USP6NL: variants seen among roughly 807,000 people sequenced by gnomAD.
The protein encoded by USP6NL is USP6 N-terminal like.
A neutral mutation model predicts 61.9 loss-of-function variants in USP6NL; 26 were observed. The ratio of observed to expected loss-of-function variants is 0.42; its 90% CI spans 0.31 to 0.58. The LOEUF is 0.58. Among genes scored for constraint, USP6NL ranks in the 20% least tolerant of loss-of-function variants. The probability of loss-of-function intolerance (pLI) is 0.16; values close to 1 mark genes in which losing one functional copy is unlikely to be tolerated. For synonymous variants in USP6NL, 432 were observed against 390.1 expected, an observed-to-expected ratio of 1.11 and a Z score of -1.27; for missense variants, 1,114 against 1,034.3, an observed-to-expected ratio of 1.08 and a Z score of -1.06.
In USP6NL at chr10:11,481,833, T is replaced by C. The variant is rs758458936; in HGVS notation, c.1015A>G (p.Ile339Val). The change falls in exon 14 of 15, where the codon ATA becomes GTA. Residue 339 changes from isoleucine to valine, a missense_variant. Physicochemically the swap from Ile to Val is conservative, Grantham distance 29. Transcript: ENST00000609104. This position sits in a 1 kb window ranked among gnomAD's most constrained non-coding sequence, Gnocchi z 4.4. ...GTCATAGAAATCTGAAGTTGCTCTATCACAAAATCATCTTCAAAGAAAAAA... is the reference window on the plus strand; with the variant it reads ...GTCATAGAAATCTGAAGTTGCTCTACCACAAAATCATCTTCAAAGAAAAAA... ...KDFFFEDDFV[I>V]EQLQISMTEL... is the part of the protein sequence containing the mutation. The C allele has an allele frequency of 3.7e-6, 6 of 1,613,204 alleles. No homozygotes were observed. Among genetic ancestry groups the C allele is most frequent in the South Asian group, 1.1e-5 (1 of 90,850 alleles).
At chr10:11,514,711 G>A (rs1244085776) in intron 5 of USP6NL, among the ~76,000 whole-genome samples, 7 of 152,156 alleles carry the variant, frequency 4.6e-5, no homozygotes, top group Admixed American at 1.3e-4. Flanking sequence ...GTGATTCCCT[G>A]TAGTGGAGAA....
rs2096216515 is a variant in USP6NL at position 11,462,104 on chromosome 10, T to A, written c.*337A>T. On this transcript the variant is annotated 3_prime_UTR_variant, in exon 15 of 15. Coordinates refer to ENST00000609104, the MANE Select transcript of USP6NL (RefSeq NM_014688.5). The stretch of plus-strand genomic sequence containing the variant: ...TTTTTTCAGTACTTTGTAACATTAG[T>A]CAAAATAGAATGAGCCAACAGAGTA... 1 of 249,602 alleles carries A rather than the reference T, an allele frequency of 4.0e-6. No individual in the cohort carries two copies. Among genetic ancestry groups the A allele is most frequent in the Admixed American group, 4.9e-5 (1 of 20,290 alleles). 15.5% of individuals were successfully genotyped at this position (249,602 alleles called of 1,614,324 possible). A position where few individuals can be genotyped will look rare whatever the true frequency, so the allele number is the denominator to read the frequency against.
rs1185681578 is a variant in USP6NL at position 11,462,897 on chromosome 10, G to A, written c.2031C>T (p.Val677=). Residue 677 remains valine, a synonymous_variant, in exon 15 of 15, where the codon GTC becomes GTT. Coordinates refer to ENST00000609104, the MANE Select transcript of USP6NL (RefSeq NM_014688.5). ...SRRPHGSTLS[V]SASPEKSYSR... ...TGTAAGATTTCTCCGGAGAAGCACT[G>A]ACGGAAAGAGTAGAACCATGAGGTC... is the stretch of plus-strand genomic sequence containing the variant. The A allele has an allele frequency of 6.2e-7, 1 of 1,613,480 alleles. No homozygotes were observed. Among genetic ancestry groups the A allele is most frequent in the Admixed American group, 1.7e-5 (1 of 59,932 alleles).
chr10:11,466,080 T>C (rs1016527958), intron 14 of USP6NL, among the ~76,000 whole-genome samples: 3 of 152,228 alleles, frequency 2.0e-5, no homozygotes, highest in African/African-American at 7.2e-5. Context: ...TCCAATACTT[T>C]GCAGATTTCT....
intron 2 of USP6NL, among the ~76,000 whole-genome samples, chr10:11,556,443 T>C (rs1003045025): frequency 6.6e-5 from 10 of 152,006 alleles, no homozygotes; most frequent in African/African-American, 1.9e-4. Context: ...CAATAACATA[T>C]GTAAACAGAC....
intron 2 of USP6NL, among the ~76,000 whole-genome samples, chr10:11,552,236 G>A (rs990984370): frequency 6.6e-6 from 1 of 152,066 alleles, no homozygotes; most frequent in Admixed American, 6.6e-5. Flanking sequence ...CTATTCACTG[G>A]GGTAAAAATG....
rs1283439688 is a variant in USP6NL at position 11,476,865 on chromosome 10, C to CT, written c.1078+4904dup. On this transcript the variant is annotated intron_variant, in intron 14 of 14. Coordinates refer to ENST00000609104, the MANE Select transcript of USP6NL (RefSeq NM_014688.5). The surrounding 1 kb of genome is among the most constrained non-coding windows in gnomAD (Gnocchi z 4.3). ...TGAAATAAATAAATCAAGCATTTGA[C>CT]TTTTTTTATTATTATTATTTTTTCA... 6.6e-6 allele frequency among the ~76,000 whole-genome samples: 1 copy of CT among 151,526 alleles called. No homozygotes were observed. The highest frequency in any genetic ancestry group is 2.4e-5 in the African/African-American group (1 of 41,346).
In USP6NL at chr10:11,597,071, G is replaced by T. The variant is rs1178858101; in HGVS notation, c.4+560C>A. Among the ~76,000 whole-genome samples the T allele has an allele frequency of 6.6e-6, 1 of 151,966 alleles. No individual in the cohort carries two copies. ...AGTTAACACAAAAAAGTAAAATCCA[G>T]TTCTCTTGTTCACAAGCAGAAGTAT... is the stretch of plus-strand genomic sequence containing the variant. On this transcript the variant is annotated intron_variant, in intron 2 of 14. Coordinates refer to ENST00000609104, the MANE Select transcript of USP6NL (RefSeq NM_014688.5). The surrounding 1 kb of genome is among the most constrained non-coding windows in gnomAD (Gnocchi z 4.6).
At chr10:11,522,921 G>A (rs542025535) in intron 4 of USP6NL, among the ~76,000 whole-genome samples, 1 of 152,234 alleles carries the variant, frequency 6.6e-6, no homozygotes, top group South Asian at 2.1e-4. Flanking sequence ...TAGAGCTGAC[G>A]CTCACTGTCA....
intron 7 of USP6NL, among the ~76,000 whole-genome samples, chr10:11,494,270 C>T (rs1453010790): frequency 6.6e-6 from 1 of 152,148 alleles, no homozygotes; most frequent in Non-Finnish European, 1.5e-5. Flanking sequence ...TTTCTCTCTC[C>T]ATGTATTGAA....
chr10:11,488,231 A>G (rs952178402), intron 10 of USP6NL, among the ~76,000 whole-genome samples: 1 of 152,076 alleles, frequency 6.6e-6, no homozygotes, highest in Non-Finnish European at 1.5e-5. Context: ...ACTCAACATA[A>G]GGAGACCTCA....
rs545982718 is a variant in USP6NL at position 11,560,485 on chromosome 10, A to AT, written c.5-32919dup. On this transcript the variant is annotated intron_variant, in intron 2 of 14. Coordinates refer to ENST00000609104, the MANE Select transcript of USP6NL (RefSeq NM_014688.5). Reference sequence around the variant, plus strand: ...GGAGCAGAATACTTTAAGGCTCAGGATTTTTTTTTCTTATATAACTCTGCC... The same window carrying AT: ...GGAGCAGAATACTTTAAGGCTCAGGATTTTTTTTTTCTTATATAACTCTGCC... 1.5e-4 allele frequency among the ~76,000 whole-genome samples: 23 copies of AT among 151,116 alleles called. 1 individual carries two copies. Among genetic ancestry groups the AT allele is most frequent in the African/African-American group, 4.6e-4 (19 of 41,096 alleles).
At chr10:11,588,395 C>T (rs1319276639) in intron 2 of USP6NL, among the ~76,000 whole-genome samples, 3 of 152,058 alleles carry the variant, frequency 2.0e-5, no homozygotes, top group Admixed American at 6.6e-5. Context: ...CGTTGTTTTT[C>T]GGAACCATAC....
At chr10:11,469,143 G>C (rs1055628207) in intron 14 of USP6NL, among the ~76,000 whole-genome samples, 1 of 152,082 alleles carries the variant, frequency 6.6e-6, no homozygotes, top group African/African-American at 2.4e-5. Flanking sequence ...ATGCACACTG[G>C]GGAAAAACAA....
intron 6 of USP6NL, among the ~76,000 whole-genome samples, chr10:11,509,048 T>C (rs1462057437): frequency 6.6e-6 from 1 of 152,234 alleles, no homozygotes; most frequent in Non-Finnish European, 1.5e-5. Flanking sequence ...GTGATATTAA[T>C]ATATGTATGT....
rs1836373061 is a variant in USP6NL, at chr10:11,548,751, C to T, written c.5-21184G>A. ...ATAAAATCTATATATGACCTATATC[C>T]TCCAACCATCATTTGTTCTTCTAGT... is the stretch of plus-strand genomic sequence containing the variant. On this transcript the variant is annotated intron_variant, in intron 2 of 14. Coordinates refer to ENST00000609104, the MANE Select transcript of USP6NL (RefSeq NM_014688.5). The surrounding 1 kb of genome is among the most constrained non-coding windows in gnomAD (Gnocchi z 4.3). Among the ~76,000 whole-genome samples, 1 of 152,180 alleles carries T rather than the reference C, an allele frequency of 6.6e-6. No homozygotes were observed. Among genetic ancestry groups the T allele is most frequent in the African/African-American group, 2.4e-5 (1 of 41,448 alleles).
rs566922991 is a variant in USP6NL at position 11,487,464 on chromosome 10, A to G, written c.665-1553T>C. 7.4e-4 allele frequency among the ~76,000 whole-genome samples: 112 copies of G among 152,342 alleles called. No individual in the cohort carries two copies. Among genetic ancestry groups the G allele is most frequent in the African/African-American group, 2.7e-3 (111 of 41,574 alleles). ...CAATAATTGCTGAAGGTAAGCTATC[A>G]AATAGGTTTAAAAGAAATGACCACT... On this transcript the variant is annotated intron_variant, in intron 10 of 14. Coordinates refer to ENST00000609104, the MANE Select transcript of USP6NL (RefSeq NM_014688.5). The surrounding 1 kb of genome is among the most constrained non-coding windows in gnomAD (Gnocchi z 4.2).
intron 2 of USP6NL, among the ~76,000 whole-genome samples, chr10:11,550,202 C>T (rs1385745094): frequency 6.6e-6 from 1 of 151,962 alleles, no homozygotes; most frequent in African/African-American, 2.4e-5. Context: ...GAGATAATCT[C>T]GATGATACTG....
Position 11,462,422 on chromosome 10 carries a change from A to G in USP6NL, c.*19T>C. 1.2e-6 allele frequency: 2 copies of G among 1,604,908 alleles called. No individual in the cohort carries two copies. Among genetic ancestry groups the G allele is most frequent in the Non-Finnish European group, 1.7e-6 (2 of 1,175,374 alleles). ...TTCACGTGGTTTCTCTCTCGTCTTTAGCAAGTACACGTCAAATCTCACAGC... is the reference window on the plus strand; with the variant it reads ...TTCACGTGGTTTCTCTCTCGTCTTTGGCAAGTACACGTCAAATCTCACAGC... On this transcript the variant is annotated 3_prime_UTR_variant, in exon 15 of 15. Transcript: ENST00000609104.
Sources: gnomAD v4.1 joint callset for allele counts (sites outside exome capture counted in the v4.1 genomes callset) on GRCh38, gnomAD v4.1.1 for gene constraint, Gnocchi (gnomAD v3.1) non-coding constraint, MANE v1.5 for transcripts, NCBI Gene and HGNC (gene_info 2026-07-23, HGNC 2026-07-21) for gene names.